SRD5A1: variants seen among roughly 807,000 people sequenced by gnomAD.
SRD5A1 encodes steroid 5 alpha-reductase 1.
In SRD5A1, 22 loss-of-function variants were observed where a neutral mutation model predicts 28.2. That is an observed-to-expected ratio of 0.78 (90% CI 0.56 to 1.12). The LOEUF is 1.12. Among genes scored for constraint, SRD5A1 ranks in the 50% most tolerant of loss-of-function variants. SRD5A1 has a pLI of 0.00. For synonymous variants in SRD5A1, 151 were observed against 135.0 expected (o/e 1.12, Z -0.82); for missense variants, 300 against 346.7 (o/e 0.87, Z 1.07).
chr5:6,654,460 G>C (rs1738779027), intron 2 of SRD5A1, among the ~76,000 whole-genome samples: 1 of 146,108 alleles, frequency 6.8e-6, no homozygotes, highest in Admixed American at 6.7e-5. Context: ...GTTTTTTCTT[G>C]AGGCAGCCTG....
chr5:6,673,852 G>A lies in SRD5A1; in HGVS notation c.*5584G>A, dbSNP rs1041926820. 1.3e-5 allele frequency: 2 copies of A among 152,042 alleles called. No individual in the cohort carries two copies. The highest frequency in any genetic ancestry group is 1.9e-4 in the East Asian group (1 of 5,190). 9.4% of individuals were successfully genotyped at this position (152,042 alleles called of 1,614,324 possible). On this transcript the variant is annotated 3_prime_UTR_variant, in exon 5 of 5. Coordinates refer to ENST00000274192, the MANE Select transcript of SRD5A1 (RefSeq NM_001047.4). Reference sequence around the variant, plus strand: ...TAATGCATATTGGTAAGTGAAAAAAGCCAGTTTGCAAAGGCTAGATACTAT... The same window carrying A: ...TAATGCATATTGGTAAGTGAAAAAAACCAGTTTGCAAAGGCTAGATACTAT...
intron 4 of SRD5A1, among the ~76,000 whole-genome samples, chr5:6,664,524 C>A (rs1055535109): frequency 1.3e-5 from 2 of 152,146 alleles, no homozygotes; most frequent in African/African-American, 2.4e-5. Context: ...CCCACCTCAG[C>A]CTTCCAAGTA....
chr5:6,633,592 G>C lies in SRD5A1; in HGVS notation c.16G>C (p.Gly6Arg), dbSNP rs771322690. 1 of 1,520,286 alleles carries C rather than the reference G, an allele frequency of 6.6e-7. No individual in the cohort carries two copies. Among genetic ancestry groups the C allele is most frequent in the Middle Eastern group, 1.9e-4 (1 of 5,312 alleles). The allele number at this position is 1,520,286 out of a possible 1,614,324, so 94.2% of individuals were successfully genotyped here. Residue 6 changes from glycine (G) to arginine (R), a missense_variant, in exon 1 of 5, where the codon GGG becomes CGG. Transcript: ENST00000274192. ...AGCCCTGGCGATGGCAACGGCGACG[G>C]GGGTGGCGGAGGAGCGCCTGCTGGC... MATAT[G>R]VAEERLLAAL...
At chr5:6,640,020 G>A (rs1738314790) in intron 1 of SRD5A1, among the ~76,000 whole-genome samples, 1 of 152,056 alleles carries the variant, frequency 6.6e-6, no homozygotes, top group Non-Finnish European at 1.5e-5. Flanking sequence ...TATTTCTTCT[G>A]ACTTAATAGA....
chr5:6,633,574 G>T lies in SRD5A1; in HGVS notation c.-3G>T. The T allele has an allele frequency of 6.6e-7, 1 of 1,516,742 alleles. No individual in the cohort carries two copies. 94.0% of individuals were successfully genotyped at this position (1,516,742 alleles called of 1,614,324 possible). A position where few individuals can be genotyped will look rare whatever the true frequency, so the allele number is the denominator to read the frequency against. The stretch of plus-strand genomic sequence containing the variant: ...GCATGGAGCACGCTGCCCAGCCCTG[G>T]CGATGGCAACGGCGACGGGGGTGGC... On this transcript the variant is annotated 5_prime_UTR_variant, in exon 1 of 5. Coordinates refer to ENST00000274192, the MANE Select transcript of SRD5A1 (RefSeq NM_001047.4).
At chr5:6,634,428 G>C (rs1738111380) in intron 1 of SRD5A1, among the ~76,000 whole-genome samples, 1 of 144,670 alleles carries the variant, frequency 6.9e-6, no homozygotes, top group South Asian at 2.4e-4. Flanking sequence ...GGGCGGGGGG[G>C]AGGGGGTTGG....
In SRD5A1 at chr5:6,662,928, G is replaced by A. The variant is rs557426714; in HGVS notation, c.675G>A (p.Thr225=). ...AAGGCGCGGCTTTTGCTTTCTTCACGTTTTGTTTTTTATCTGGTAGAGCAA... is the reference window on the plus strand; with the variant it reads ...AAGGCGCGGCTTTTGCTTTCTTCACATTTTGTTTTTTATCTGGTAGAGCAA... ...SVQGAAFAFF[T]FCFLSGRAKE... Residue 225 remains threonine, a synonymous_variant, in exon 4 of 5, where the codon ACG becomes ACA. Coordinates refer to ENST00000274192, the MANE Select transcript of SRD5A1 (RefSeq NM_001047.4). 2.9e-5 allele frequency: 47 copies of A among 1,614,146 alleles called. No homozygotes were observed. In the Admixed American group the frequency reaches 3.5e-4, roughly 12 times the overall value.
At chr5:6,667,329 C>T (rs987391621) in intron 4 of SRD5A1, among the ~76,000 whole-genome samples, 15 of 152,136 alleles carry the variant, frequency 9.9e-5, no homozygotes, top group African/African-American at 3.4e-4. Flanking sequence ...TAAACGTGGC[C>T]GCCCAGTATG....
chr5:6,664,741 T>C (rs1385383383), intron 4 of SRD5A1, among the ~76,000 whole-genome samples: 2 of 152,202 alleles, frequency 1.3e-5, no homozygotes, highest in Non-Finnish European at 2.9e-5. Flanking sequence ...ATAGCATAAA[T>C]GTGAGCTCTA....
intron 1 of SRD5A1, among the ~76,000 whole-genome samples, chr5:6,651,233 A>C (rs1329780228): frequency 6.6e-6 from 1 of 152,212 alleles, no homozygotes; most frequent in Non-Finnish European, 1.5e-5. Flanking sequence ...GATAGTGGAA[A>C]TCTTGAGAGC....
At chr5:6,663,795 G>A (rs1739080934) in intron 4 of SRD5A1, among the ~76,000 whole-genome samples, 1 of 152,134 alleles carries the variant, frequency 6.6e-6, no homozygotes, top group Non-Finnish European at 1.5e-5. Flanking sequence ...GGGAGGTGGA[G>A]GCTGCAGTGA....
intron 3 of SRD5A1, among the ~76,000 whole-genome samples, chr5:6,659,073 T>C (rs1264840122): frequency 6.6e-6 from 1 of 150,826 alleles, no homozygotes; most frequent in Non-Finnish European, 1.5e-5. Context: ...GCCTCGATCA[T>C]ACCACTGCAC....
chr5:6,634,498 G>T (rs1375668093), intron 1 of SRD5A1, among the ~76,000 whole-genome samples: 1 of 152,132 alleles, frequency 6.6e-6, no homozygotes, highest in African/African-American at 2.4e-5. Context: ...CCTTTCTGCC[G>T]GTTCCCCTTT....
chr5:6,638,725 A>T (rs953257661), intron 1 of SRD5A1, among the ~76,000 whole-genome samples: 13 of 152,262 alleles, frequency 8.5e-5, no homozygotes, highest in Admixed American at 8.5e-4. Flanking sequence ...GTGTAGGATG[A>T]TGAAAAGTGA....
At chr5:6,654,706 T>C (rs1738785518) in intron 2 of SRD5A1, among the ~76,000 whole-genome samples, 1 of 152,234 alleles carries the variant, frequency 6.6e-6, no homozygotes, top group Admixed American at 6.5e-5. Flanking sequence ...GTGCTGGGAT[T>C]ATAGGTGTGA....
In SRD5A1 at chr5:6,668,285, A is replaced by AT. The variant is rs1306944375; in HGVS notation, c.*19dup. 6.8e-7 allele frequency: 1 copy of AT among 1,464,696 alleles called. No individual in the cohort carries two copies. Among genetic ancestry groups the AT allele is most frequent in the Admixed American group, 1.8e-5 (1 of 54,210 alleles). 90.7% of individuals were successfully genotyped at this position (1,464,696 alleles called of 1,614,324 possible). A position where few individuals can be genotyped will look rare whatever the true frequency, so the allele number is the denominator to read the frequency against. ...TTGTTTTAAGTGCGTTTTTCATGAA[A>AT]TTATCTTCAACTTGAAGCTTTCCAA... On this transcript the variant is annotated 3_prime_UTR_variant, in exon 5 of 5. Coordinates refer to ENST00000274192, the MANE Select transcript of SRD5A1 (RefSeq NM_001047.4).
At chr5:6,664,462 T>C (rs920247114) in intron 4 of SRD5A1, among the ~76,000 whole-genome samples, 10 of 152,164 alleles carry the variant, frequency 6.6e-5, no homozygotes, top group African/African-American at 2.4e-4. Flanking sequence ...TGGAGTGCAG[T>C]GGCACAATCT....
chr5:6,648,014 C>T lies in SRD5A1; in HGVS notation c.294-3828C>T, dbSNP rs142059588. 6.6e-3 allele frequency among the ~76,000 whole-genome samples: 1,011 copies of T among 152,224 alleles called. 10 individuals carry two copies. The highest frequency in any genetic ancestry group is 0.023 in the African/African-American group (971 of 41,524). The stretch of plus-strand genomic sequence containing the variant: ...CTTGTCTGTAAAGGATTTTATTTCT[C>T]CTTCACTTATGAAGCTTAGTTTGGC... On this transcript the variant is annotated intron_variant, in intron 1 of 4. Transcript: ENST00000274192.
intron 1 of SRD5A1, among the ~76,000 whole-genome samples, chr5:6,643,809 C>T (rs1738431135): frequency 1.3e-5 from 2 of 152,170 alleles, no homozygotes; most frequent in South Asian, 2.1e-4. Context: ...CCTCATTTTC[C>T]TTTGTTTTGT....
Sources: gnomAD v4.1 joint callset for allele counts (sites outside exome capture counted in the v4.1 genomes callset) on GRCh38, gnomAD v4.1.1 for gene constraint, MANE v1.5 for transcripts, NCBI Gene and HGNC (gene_info 2026-07-23, HGNC 2026-07-21) for gene names.